GMDS: variants seen among roughly 807,000 people sequenced by gnomAD.
The protein encoded by GMDS is GDP-mannose 4,6 dehydratase.
In GMDS, 20 loss-of-function variants were observed where a neutral mutation model predicts 49.9. The ratio of observed to expected loss-of-function variants is 0.40; its 90% CI spans 0.28 to 0.58. The LOEUF is 0.58. Ranked by LOEUF, GMDS falls within the 20% of genes least tolerant of loss-of-function variation. GMDS has a pLI of 0.42. For synonymous variants in GMDS, 177 were observed against 178.6 expected (o/e 0.99, Z 0.07); for missense variants, 362 against 481.4 (o/e 0.75, Z 2.32).
rs117193000 is a variant in GMDS at position 1,976,215 on chromosome 6, A to C, written c.346-15249T>G. 6.6e-4 allele frequency among the ~76,000 whole-genome samples: 100 copies of C among 152,334 alleles called. 2 individuals carry two copies. The East Asian group carries it at 0.016, about 24-fold the overall frequency. On this transcript the variant is annotated intron_variant, in intron 4 of 10. Coordinates refer to ENST00000380815, the MANE Select transcript of GMDS (RefSeq NM_001500.4). ...TATACTCTTTGTTTAAGTCTGATTA[A>C]ATTAATAGAAAAGAAGGTTGTCTTC...
At chr6:2,224,330 C>G (rs1414632915) in intron 1 of GMDS, among the ~76,000 whole-genome samples, 1 of 152,210 alleles carries the variant, frequency 6.6e-6, no homozygotes, top group Non-Finnish European at 1.5e-5. Flanking sequence ...TGTGCTTCAT[C>G]TTTAATTCAG....
intron 4 of GMDS, among the ~76,000 whole-genome samples, chr6:2,090,574 C>T (rs1376120109): frequency 2.0e-5 from 3 of 152,082 alleles, no homozygotes; most frequent in Non-Finnish European, 2.9e-5. Context: ...ATAAAACGAC[C>T]TGTTTAAAAT....
At chr6:1,951,016 A>G (rs1311105099) in intron 6 of GMDS, among the ~76,000 whole-genome samples, 1 of 152,082 alleles carries the variant, frequency 6.6e-6, no homozygotes, top group African/African-American at 2.4e-5. Context: ...GACAAGAAAA[A>G]TATCTCCAGA....
At chr6:2,213,713 G>A (rs973048543) in intron 1 of GMDS, among the ~76,000 whole-genome samples, 8 of 152,132 alleles carry the variant, frequency 5.3e-5, no homozygotes, top group African/African-American at 1.7e-4. Context: ...AGAGGACACA[G>A]CAGGACCAGA....
intron 6 of GMDS, chr6:1,930,604 C>T (rs545369849): frequency 3.7e-5 from 6 of 164,114 alleles, no homozygotes; most frequent in Non-Finnish European, 7.9e-5. Context: ...CCAGAATGGA[C>T]GACAGACATC....
intron 1 of GMDS, among the ~76,000 whole-genome samples, chr6:2,178,702 A>G (rs1046335195): frequency 6.6e-6 from 1 of 152,218 alleles, no homozygotes; most frequent in Non-Finnish European, 1.5e-5. Context: ...ACACCTGTGT[A>G]TGTACTCCAT....
intron 1 of GMDS, among the ~76,000 whole-genome samples, chr6:2,201,763 C>G (rs1173923311): frequency 2.6e-3 from 177 of 68,926 alleles, no homozygotes; most frequent in Middle Eastern, 9.8e-3. Context: ...AGGATGAAGA[C>G]AGAGCACCAC....
intron 7 of GMDS, among the ~76,000 whole-genome samples, chr6:1,806,692 A>C (rs1770192381): frequency 6.6e-6 from 1 of 152,214 alleles, no homozygotes; most frequent in African/African-American, 2.4e-5. Flanking sequence ...TCAAAATGAG[A>C]AAGAGGCTCT....
chr6:1,930,638 A>G (rs1364834655), intron 6 of GMDS: 1 of 156,326 alleles, frequency 6.4e-6, no homozygotes, highest in Non-Finnish European at 1.4e-5. Flanking sequence ...ATTTTTTTTA[A>G]GAACACAAAC....
intron 7 of GMDS, among the ~76,000 whole-genome samples, chr6:1,895,772 G>A (rs961644726): frequency 4.6e-5 from 7 of 152,166 alleles, no homozygotes; most frequent in African/African-American, 1.7e-4. Flanking sequence ...ATAGTTCTCA[G>A]TTTACTCACC....
At chr6:2,111,310 A>G (rs1052010718) in intron 4 of GMDS, among the ~76,000 whole-genome samples, 2 of 152,206 alleles carry the variant, frequency 1.3e-5, no homozygotes, top group Non-Finnish European at 2.9e-5. Flanking sequence ...TGATGTCATC[A>G]TGCTAGGTTT....
At chr6:1,818,717 T>C (rs1770772030) in intron 7 of GMDS, among the ~76,000 whole-genome samples, 1 of 151,756 alleles carries the variant, frequency 6.6e-6, no homozygotes, top group Non-Finnish European at 1.5e-5. Context: ...TATATACACA[T>C]GCATATATAT....
Position 2,011,006 on chromosome 6 carries a change from G to C in GMDS, c.346-50040C>G, listed in dbSNP as rs113788495. 1.2e-4 allele frequency among the ~76,000 whole-genome samples: 19 copies of C among 152,050 alleles called. 1 individual carries two copies. The highest frequency in any genetic ancestry group is 4.3e-4 in the African/African-American group (18 of 41,500). On this transcript the variant is annotated intron_variant, in intron 4 of 10. Coordinates refer to ENST00000380815, the MANE Select transcript of GMDS (RefSeq NM_001500.4). ...AAATCAAACAGGTATAAACAAATAA[G>C]ATAAAGATTTAAAAGAATGCTTTAA...
intron 4 of GMDS, among the ~76,000 whole-genome samples, chr6:2,013,129 C>T (rs193065725): frequency 2.6e-5 from 4 of 152,300 alleles, no homozygotes; most frequent in African/African-American, 9.6e-5. Context: ...CATTCATCAA[C>T]AGGGCTTCCA....
chr6:2,243,956 G>A (rs534132388), intron 1 of GMDS, among the ~76,000 whole-genome samples: 3 of 139,830 alleles, frequency 2.1e-5, no homozygotes, highest in Admixed American at 7.7e-5. Context: ...TCAGACTCCC[G>A]GACTCAAGTG....
intron 9 of GMDS, among the ~76,000 whole-genome samples, chr6:1,685,740 G>A (rs1015715937): frequency 2.0e-5 from 3 of 152,146 alleles, no homozygotes; most frequent in Non-Finnish European, 4.4e-5. Context: ...AAAACGGAGT[G>A]AAGAGGAAGG....
intron 4 of GMDS, among the ~76,000 whole-genome samples, chr6:1,989,722 T>C (rs910237892): frequency 6.6e-6 from 1 of 152,212 alleles, no homozygotes; most frequent in African/African-American, 2.4e-5. Flanking sequence ...CCCCTCGGCC[T>C]GACCCTCATC....
Position 1,671,392 on chromosome 6 carries a change from G to C in GMDS, c.988-46852C>G, listed in dbSNP as rs192358097. 9.6e-4 allele frequency among the ~76,000 whole-genome samples: 146 copies of C among 152,250 alleles called. 1 individual carries two copies. The highest frequency in any genetic ancestry group is 2.0e-3 in the Admixed American group (31 of 15,284). On this transcript the variant is annotated intron_variant, in intron 9 of 10. Coordinates refer to ENST00000380815, the MANE Select transcript of GMDS (RefSeq NM_001500.4). ...CTGGGAAGCCCCACAATCTTCAGCA[G>C]GTTGAATGCCTTGCTTTTGGGATCA... is the stretch of plus-strand genomic sequence containing the variant.
At position 1,729,501 on chromosome 6, in the gene GMDS, A is replaced by T. The variant is rs572940086; in HGVS notation, c.891-2989T>A. Among the ~76,000 whole-genome samples, 6 of 152,382 alleles carry T rather than the reference A, an allele frequency of 3.9e-5. No homozygotes were observed. In the South Asian group the frequency reaches 1.2e-3, roughly 32 times the overall value. On this transcript the variant is annotated intron_variant, in intron 8 of 10. Transcript: ENST00000380815. ...GGCTCAAAGCTGAATTGAGTTGGCA[A>T]AAACCACTTTCTAATTTGCACCAGG...
Sources: gnomAD v4.1 joint callset for allele counts (sites outside exome capture counted in the v4.1 genomes callset) on GRCh38, gnomAD v4.1.1 for gene constraint, MANE v1.5 for transcripts, NCBI Gene and HGNC (gene_info 2026-07-23, HGNC 2026-07-21) for gene names.